IFT81: variants seen among roughly 807,000 people sequenced by gnomAD.
IFT81 encodes intraflagellar transport 81, also known as intraflagellar transport protein 81 homolog.
IFT81 carries 72 observed loss-of-function variants against 102.6 expected under a neutral mutation model. The observed-to-expected ratio is 0.70, with a 90% CI of 0.58 to 0.85. The LOEUF is 0.85. Among genes scored for constraint, IFT81 ranks in the 40% least tolerant of loss-of-function variants. The pLI, the probability that IFT81 is intolerant of heterozygous loss-of-function variation, is 0.00. For missense variants in IFT81, 723 were observed against 787.3 expected, an observed-to-expected ratio of 0.92 and a Z score of 0.98; for synonymous variants, 237 against 242.7, an observed-to-expected ratio of 0.98 and a Z score of 0.22.
At position 110,157,336 on chromosome 12, in the gene IFT81, G is replaced by A. The variant is rs1377977112; in HGVS notation, c.1042-5583G>A. Among the ~76,000 whole-genome samples the A allele has an allele frequency of 2.0e-5, 3 of 152,048 alleles. No homozygotes were observed. In the East Asian group the frequency reaches 5.8e-4, roughly 29 times the overall value. ...TGCACTTCAGCCTGGGCAACAGAAT[G>A]AGACCCTGCCTCAAAAAAATAAATA... On this transcript the variant is annotated intron_variant, in intron 10 of 18. Transcript: ENST00000242591.
chr12:110,194,291 A>G (rs968353680), intron 14 of IFT81, among the ~76,000 whole-genome samples: 1 of 152,204 alleles, frequency 6.6e-6, no homozygotes, highest in Non-Finnish European at 1.5e-5. Flanking sequence ...ATCTAGATCT[A>G]TTATAGTCAT....
chr12:110,194,215 C>A (rs1280534843), intron 14 of IFT81, among the ~76,000 whole-genome samples: 1 of 152,116 alleles, frequency 6.6e-6, no homozygotes, highest in Non-Finnish European at 1.5e-5. Context: ...AACAGTTTGA[C>A]GTGAGATTTG....
chr12:110,129,131 G>A lies in IFT81; in HGVS notation c.429+1G>A. 6.3e-7 allele frequency: 1 copy of A among 1,579,928 alleles called. No individual in the cohort carries two copies. The highest frequency in any genetic ancestry group is 1.2e-5 in the South Asian group (1 of 86,204). On this transcript the variant is annotated splice_donor_variant, in intron 4 of 18. Transcript: ENST00000242591. LOFTEE classifies it high-confidence loss of function. ...AACTGTGGCTGACACCAATAAACAG[G>A]TAAACAATACATAAATGGTACATTG... is the stretch of plus-strand genomic sequence containing the variant.
At chr12:110,135,056 A>T in intron 6 of IFT81, 43 bp downstream of exon 6, 2 of 1,386,618 alleles carry the variant, frequency 1.4e-6, no homozygotes, top group Non-Finnish European at 2.0e-6. Flanking sequence ...CCCAAGTCCC[A>T]AGGACTTGCA....
chr12:110,165,648 G>T (rs894705645), intron 11 of IFT81, among the ~76,000 whole-genome samples: 1 of 152,130 alleles, frequency 6.6e-6, no homozygotes, highest in Non-Finnish European at 1.5e-5. Context: ...TCTTGTAAAA[G>T]GTGTTGTTAC....
At chr12:110,124,954 AGACAGCCTTCCT>A (rs1893741749) in intron 1 of IFT81, 93 bp downstream of exon 1, 1 of 152,250 alleles carries the variant, frequency 6.6e-6, no homozygotes, top group East Asian at 1.9e-4. Flanking sequence ...CGCTGGGCAC[AGACAGCCTTCCT>A]GTTCAGTACA....
intron 17 of IFT81, 46 bp downstream of exon 17, chr12:110,205,726 C>A: frequency 4.1e-6 from 5 of 1,209,354 alleles, no homozygotes; most frequent in South Asian, 1.5e-5. Flanking sequence ...ATATTTTCAC[C>A]AATAAAAGTT....
chr12:110,177,530 C>T (rs964541803), intron 11 of IFT81, among the ~76,000 whole-genome samples: 1 of 152,176 alleles, frequency 6.6e-6, no homozygotes, highest in Non-Finnish European at 1.5e-5. Flanking sequence ...GCAGTCCCCC[C>T]ACCTCAGCCT....
chr12:110,141,518 T>G (rs1413882363), intron 8 of IFT81, among the ~76,000 whole-genome samples: 1 of 152,226 alleles, frequency 6.6e-6, no homozygotes, highest in Non-Finnish European at 1.5e-5. Context: ...AGATGTATTA[T>G]GCTTTGGGCC....
At chr12:110,191,136 C>A in intron 13 of IFT81, 88 bp downstream of exon 13, 1 of 1,154,984 alleles carries the variant, frequency 8.7e-7, no homozygotes, top group Non-Finnish European at 1.2e-6. Context: ...GAAACATTCA[C>A]CTGTTAATTT....
intron 4 of IFT81, 64 bp downstream of exon 4, chr12:110,129,194 C>A: frequency 8.3e-7 from 1 of 1,207,576 alleles, no homozygotes; most frequent in Non-Finnish European, 1.2e-6. Flanking sequence ...TATTCAAATA[C>A]ATGTTACTCT....
chr12:110,129,046 A>G lies in IFT81; in HGVS notation c.345A>G (p.Arg115=), dbSNP rs757397458. The part of the protein sequence containing the change: ...LLQRTNELKK[R]AYLARFLIKL... Reference sequence around the variant, plus strand: ...AGAGGACTAATGAACTGAAGAAAAGAGCATATTTAGCTCGTTTTTTAATAA... The same window carrying G: ...AGAGGACTAATGAACTGAAGAAAAGGGCATATTTAGCTCGTTTTTTAATAA... The change falls in exon 4 of 19, where the codon AGA becomes AGG. Residue 115 remains arginine, a synonymous_variant. Transcript: ENST00000242591. The G allele has an allele frequency of 2.6e-5, 42 of 1,606,412 alleles. No homozygotes were observed. In the South Asian group the frequency reaches 2.7e-4, roughly 10 times the overall value.
chr12:110,193,761 C>T (rs962997335), intron 14 of IFT81, among the ~76,000 whole-genome samples: 4 of 152,132 alleles, frequency 2.6e-5, no homozygotes, highest in Non-Finnish European at 5.9e-5. Flanking sequence ...TAATATATTT[C>T]CTTTGTGTGA....
At chr12:110,126,052 G>A (rs1275772614) in intron 1 of IFT81, among the ~76,000 whole-genome samples, 2 of 152,166 alleles carry the variant, frequency 1.3e-5, no homozygotes, top group Middle Eastern at 3.2e-3. Flanking sequence ...GCCAAGGTGG[G>A]CGGATCACGA....
At chr12:110,190,299 C>T (rs1897732919) in intron 12 of IFT81, among the ~76,000 whole-genome samples, 1 of 152,172 alleles carries the variant, frequency 6.6e-6, no homozygotes, top group Admixed American at 6.5e-5. Context: ...CTTACTGTTT[C>T]TTGAACTGGT....
At chr12:110,131,960 A>G (rs934423452) in intron 4 of IFT81, among the ~76,000 whole-genome samples, 1 of 152,196 alleles carries the variant, frequency 6.6e-6, no homozygotes, top group Non-Finnish European at 1.5e-5. Context: ...AGAGCATGGA[A>G]TGTTCAGGAA....
intron 11 of IFT81, among the ~76,000 whole-genome samples, chr12:110,164,702 A>T (rs758534463): frequency 6.6e-6 from 1 of 152,212 alleles, no homozygotes; most frequent in East Asian, 1.9e-4. Flanking sequence ...GGAAGTCAAC[A>T]TGTGATTGAA....
intron 13 of IFT81, among the ~76,000 whole-genome samples, chr12:110,191,332 G>A (rs1264453663): frequency 3.3e-5 from 5 of 151,822 alleles, no homozygotes; most frequent in East Asian, 1.9e-4. Flanking sequence ...CACCATGCCC[G>A]GCTAATTTTT....
intron 11 of IFT81, among the ~76,000 whole-genome samples, chr12:110,171,265 T>A (rs1896711716): frequency 7.5e-6 from 1 of 133,316 alleles, no homozygotes; most frequent in Non-Finnish European, 1.7e-5. Flanking sequence ...TTTTCATGGA[T>A]TTTTTTTTTT....
Sources: allele counts gnomAD v4.1 joint callset (sites outside exome capture counted in the v4.1 genomes callset), GRCh38; gene constraint gnomAD v4.1.1; transcripts MANE v1.5; gene names NCBI Gene and HGNC (gene_info 2026-07-23, HGNC 2026-07-21).